CDC40: variants seen among roughly 807,000 people sequenced by gnomAD.
CDC40 encodes pre-mRNA-processing factor 17.
A neutral mutation model predicts 80.6 loss-of-function variants in CDC40; 27 were observed. That is an observed-to-expected ratio of 0.33 (90% CI 0.25 to 0.46). The LOEUF is 0.46. CDC40 is among the 20% of genes least tolerant of loss of function. The probability of loss-of-function intolerance (pLI) is 1.00; values close to 1 mark genes in which losing one functional copy is unlikely to be tolerated. For missense variants in CDC40, 486 were observed against 694.1 expected, an observed-to-expected ratio of 0.70 and a Z score of 3.37; for synonymous variants, 221 against 232.6, an observed-to-expected ratio of 0.95 and a Z score of 0.45.
intron 5 of CDC40, 67 bp downstream of exon 5, chr6:110,209,290 T>G: frequency 7.1e-7 from 1 of 1,412,780 alleles, no homozygotes; most frequent in Non-Finnish European, 9.9e-7. Context: ...ATATCTACAT[T>G]AATAAACTTG....
Position 110,193,222 on chromosome 6 carries a change from A to G in CDC40, c.230A>G (p.Lys77Arg). The G allele has an allele frequency of 6.2e-7, 1 of 1,610,798 alleles. No individual in the cohort carries two copies. The highest frequency in any genetic ancestry group is 8.5e-7 in the Non-Finnish European group (1 of 1,176,980). ...ETGVHLDPAV[K>R]EVQYNPTYET... ...GGAGTTCACCTTGACCCTGCCGTCA[A>G]AGAAGTTCAGTATAATCCTACCTAT... Residue 77 changes from lysine (K) to arginine (R), a missense_variant, in exon 2 of 15, where the codon AAA (lysine) becomes AGA (arginine). Transcript: ENST00000307731.
chr6:110,221,685 T>C (rs1287780768), intron 12 of CDC40, among the ~76,000 whole-genome samples: 5 of 152,232 alleles, frequency 3.3e-5, no homozygotes, highest in Non-Finnish European at 7.3e-5. Context: ...TCAAACTTTC[T>C]GATGTTTCTA....
At chr6:110,189,661 C>A (rs1164780524) in intron 1 of CDC40, among the ~76,000 whole-genome samples, 2 of 152,140 alleles carry the variant, frequency 1.3e-5, no homozygotes, top group African/African-American at 4.8e-5. Flanking sequence ...GCAACTGTAC[C>A]TTTATCTGGT....
At chr6:110,184,863 T>C (rs1777244061) in intron 1 of CDC40, among the ~76,000 whole-genome samples, 1 of 152,068 alleles carries the variant, frequency 6.6e-6, no homozygotes, top group South Asian at 2.1e-4. Context: ...TCAGCAAAAA[T>C]TGACAGAACT....
chr6:110,200,513 TAAA>T (rs1777481628), intron 2 of CDC40, among the ~76,000 whole-genome samples: 1 of 152,204 alleles, frequency 6.6e-6, no homozygotes, highest in Non-Finnish European at 1.5e-5. Context: ...ATTCTTTATT[TAAA>T]AACAAACAAA....
At chr6:110,201,497 T>C in intron 2 of CDC40, 61 bp from the exon 3 acceptor site, 2 of 1,304,524 alleles carry the variant, frequency 1.5e-6, no homozygotes, top group Non-Finnish European at 2.1e-6. Flanking sequence ...CTAACTTCCA[T>C]ATACTCAGAA....
chr6:110,187,472 T>TGG (rs1342544035), intron 1 of CDC40, among the ~76,000 whole-genome samples: 1 of 152,218 alleles, frequency 6.6e-6, no homozygotes. Context: ...GAGCTTCAAA[T>TGG]GGACGACCTT....
chr6:110,226,214 C>CA lies in CDC40; in HGVS notation c.1390dup (p.Met464AsnfsTer32). 1 of 1,608,336 alleles carries CA rather than the reference C, an allele frequency of 6.2e-7. No homozygotes were observed. Among genetic ancestry groups the CA allele is most frequent in the Non-Finnish European group, 8.5e-7 (1 of 1,175,534 alleles). On this transcript the variant is annotated frameshift_variant, in exon 13 of 15. Coordinates refer to ENST00000307731, the MANE Select transcript of CDC40 (RefSeq NM_015891.3). LOFTEE classifies it high-confidence loss of function. The stretch of plus-strand genomic sequence containing the variant: ...TACATAGCAGAACCCAGTATGCACT[C>CA]AATGCCTGCAGTGACTTTGTCTCCA...
rs1479967764 is a variant in CDC40 at position 110,187,373 on chromosome 6, C to T, written c.190-5809C>T. Among the ~76,000 whole-genome samples, 3 of 152,186 alleles carry T rather than the reference C, an allele frequency of 2.0e-5. No individual in the cohort carries two copies. The East Asian group carries it at 5.8e-4, about 29-fold the overall frequency. On this transcript the variant is annotated intron_variant, in intron 1 of 14. Transcript: ENST00000307731. ...CCCCCGAATGTATTCTTTGCCTTAG[C>T]ATAGCCAACTAAAGTAAAATAAAAA...
intron 5 of CDC40, 52 bp downstream of exon 5, chr6:110,209,275 G>A: frequency 6.7e-7 from 1 of 1,494,474 alleles, no homozygotes; most frequent in Non-Finnish European, 9.3e-7. Flanking sequence ...GTATCTCTAT[G>A]AAGGATATCT....
At position 110,213,162 on chromosome 6, in the gene CDC40, T is replaced by C; in HGVS notation, c.942+2T>C. 6.3e-7 allele frequency: 1 copy of C among 1,582,680 alleles called. No individual in the cohort carries two copies. The highest frequency in any genetic ancestry group is 8.7e-7 in the Non-Finnish European group (1 of 1,151,494). On this transcript the variant is annotated splice_donor_variant, in intron 8 of 14. Coordinates refer to ENST00000307731, the MANE Select transcript of CDC40 (RefSeq NM_015891.3). LOFTEE classifies it high-confidence loss of function. ...TGTTCCATGGACTGTAAAATTAAGG[T>C]GAGTTTTCAGTAACAGAGTAGGAGT...
intron 1 of CDC40, among the ~76,000 whole-genome samples, chr6:110,186,299 A>G (rs1420501268): frequency 6.6e-6 from 1 of 152,058 alleles, no homozygotes; most frequent in Non-Finnish European, 1.5e-5. Flanking sequence ...GGAGTTCCAG[A>G]GCAACATGGA....
Position 110,217,761 on chromosome 6 carries a change from G to A in CDC40, c.1048G>A (p.Ala350Thr). 6.2e-7 allele frequency: 1 copy of A among 1,606,042 alleles called. No individual in the cohort carries two copies. Among genetic ancestry groups the A allele is most frequent in the Non-Finnish European group, 8.5e-7 (1 of 1,172,750 alleles). The stretch of plus-strand genomic sequence containing the variant: ...TACTGCAGGAACACAGTTCCTCAGT[G>A]CAGCCTATGACAGGTATCTTAAGCT... Reference protein sequence around the residue: ...FNTAGTQFLSAAYDRYLKLWD... With the variant: ...FNTAGTQFLSTAYDRYLKLWD... The change falls in exon 10 of 15, where the codon GCA (alanine) becomes ACA (threonine). Residue 350 changes from alanine to threonine, a missense_variant. Physicochemically the swap from Ala to Thr is moderately conservative, Grantham distance 58. Transcript: ENST00000307731.
At chr6:110,227,517 T>C (rs1427052859) in intron 13 of CDC40, among the ~76,000 whole-genome samples, 1 of 152,224 alleles carries the variant, frequency 6.6e-6, no homozygotes, top group South Asian at 2.1e-4. Context: ...TATTACAGAT[T>C]TTGTGCCCAT....
chr6:110,210,907 A>G, intron 6 of CDC40, 104 bp downstream of exon 6: 1 of 450,776 alleles, frequency 2.2e-6, no homozygotes, highest in Non-Finnish European at 3.8e-6. Flanking sequence ...CTGTAATAAA[A>G]TCATTATGTT....
chr6:110,219,527 A>G (rs1182201797), intron 11 of CDC40, 48 bp downstream of exon 11: 1 of 1,188,146 alleles, frequency 8.4e-7, no homozygotes, highest in Non-Finnish European at 1.3e-6. Context: ...TTTATGTTGT[A>G]TAAGGGGATG....
At chr6:110,187,253 T>G (rs1252404667) in intron 1 of CDC40, among the ~76,000 whole-genome samples, 2 of 152,248 alleles carry the variant, frequency 1.3e-5, no homozygotes, top group Non-Finnish European at 2.9e-5. Flanking sequence ...GTGGACCCTA[T>G]TGGATTGCAA....
chr6:110,212,699 A>T (rs1777651792), intron 7 of CDC40, among the ~76,000 whole-genome samples: 1 of 152,182 alleles, frequency 6.6e-6, no homozygotes, highest in African/African-American at 2.4e-5. Flanking sequence ...TAATTTTTAA[A>T]CTAATGCAGA....
chr6:110,214,607 C>T (rs1355287102), intron 8 of CDC40, among the ~76,000 whole-genome samples: 1 of 152,178 alleles, frequency 6.6e-6, no homozygotes, highest in African/African-American at 2.4e-5. Flanking sequence ...GAGGTCGTTT[C>T]CTAGTATGCT....
Sources: gnomAD v4.1 joint callset for allele counts (sites outside exome capture counted in the v4.1 genomes callset) on GRCh38, gnomAD v4.1.1 for gene constraint, MANE v1.5 for transcripts, NCBI Gene and HGNC (gene_info 2026-07-23, HGNC 2026-07-21) for gene names.